The following TIAM1 variants were observed in gnomAD, a reference collection of about 807,000 sequenced individuals.
The protein encoded by TIAM1 is rho guanine nucleotide exchange factor TIAM1.
In TIAM1, 65 loss-of-function variants were observed where a neutral mutation model predicts 163.5. That is an observed-to-expected ratio of 0.40 (90% confidence interval 0.33 to 0.49). The LOEUF (loss-of-function observed/expected upper bound fraction) is 0.49. TIAM1 is among the 20% of genes least tolerant of loss of function. The pLI is 0.77. For synonymous variants in TIAM1, 833 were observed against 810.1 expected (o/e 1.03, Z -0.48); for missense variants, 1,789 against 2,044.7 (o/e 0.87, Z 2.41).
At chr21:31,558,607 C>G (rs975234346) in intron 1 of TIAM1, among the ~76,000 whole-genome samples, 9 of 152,112 alleles carry the variant, frequency 5.9e-5, no homozygotes, top group Non-Finnish European at 1.5e-5. Flanking sequence ...CCGAGAGGAC[C>G]GAATGCCGAC....
intron 1 of TIAM1, among the ~76,000 whole-genome samples, chr21:31,472,478 G>T (rs539227144): frequency 6.6e-6 from 1 of 152,294 alleles, no homozygotes; most frequent in African/African-American, 2.4e-5. Context: ...AGTGAGCCGA[G>T]ATCGTGCCAC....
chr21:31,437,714 C>CCT (rs1403702609), intron 2 of TIAM1, among the ~76,000 whole-genome samples: 1 of 151,560 alleles, frequency 6.6e-6, no homozygotes, highest in Non-Finnish European at 1.5e-5. Context: ...GCACCTCCAC[C>CCT]CTCTCTCTCT....
intron 1 of TIAM1, among the ~76,000 whole-genome samples, chr21:31,470,931 C>G (rs1172807041): frequency 6.6e-6 from 1 of 152,152 alleles, no homozygotes; most frequent in Non-Finnish European, 1.5e-5. Context: ...CCGCCACCCA[C>G]CCCCGAGGGG....
At position 31,251,923 on chromosome 21, in the gene TIAM1, A is replaced by G; in HGVS notation, c.1230T>C (p.Asp410=). 3 of 1,613,724 alleles carry G rather than the reference A, an allele frequency of 1.9e-6. No homozygotes were observed. The highest frequency in any genetic ancestry group is 1.7e-6 in the Non-Finnish European group (2 of 1,179,870). The change falls in exon 5 of 28, where the codon GAT becomes GAC. Residue 410 remains aspartate, a synonymous_variant. Transcript: ENST00000541036. ...SLEEAGSAHS[D]EQSSGTLSSP... ...AGCTCAGGGTGCCGCTGCTCTGCTCATCGCTGTGCGCCGAGCCGGCCTCCT... is the reference window on the plus strand; with the variant it reads ...AGCTCAGGGTGCCGCTGCTCTGCTCGTCGCTGTGCGCCGAGCCGGCCTCCT...
At chr21:31,223,636 A>C (rs1037418450) in intron 7 of TIAM1, 45 bp from the exon 8 acceptor site, 2 of 1,550,714 alleles carry the variant, frequency 1.3e-6, no homozygotes, top group Non-Finnish European at 1.7e-6. Flanking sequence ...AGAAAATGGG[A>C]AACAAATGCT....
chr21:31,550,171 A>AT (rs2048635244), intron 1 of TIAM1, among the ~76,000 whole-genome samples: 1 of 152,154 alleles, frequency 6.6e-6, no homozygotes, highest in African/African-American at 2.4e-5. Flanking sequence ...TCAAACAAAT[A>AT]CTTGTGCCAT....
intron 11 of TIAM1, among the ~76,000 whole-genome samples, chr21:31,205,005 G>A (rs1038567794): frequency 2.6e-5 from 4 of 152,206 alleles, no homozygotes; most frequent in African/African-American, 9.6e-5. Flanking sequence ...GATGCTCAAT[G>A]TCTGACAGAT....
chr21:31,242,268 C>A (rs1357592170), intron 6 of TIAM1, among the ~76,000 whole-genome samples: 1 of 152,004 alleles, frequency 6.6e-6, no homozygotes, highest in Admixed American at 6.6e-5. Context: ...GCCTGTAATC[C>A]CAGCACTTTA....
At chr21:31,253,890 G>C (rs1351215437) in intron 4 of TIAM1, among the ~76,000 whole-genome samples, 4 of 152,196 alleles carry the variant, frequency 2.6e-5, no homozygotes, top group African/African-American at 9.7e-5. Flanking sequence ...CTCCTTGGCA[G>C]GGACATTGAC....
intron 1 of TIAM1, among the ~76,000 whole-genome samples, chr21:31,551,045 T>C (rs1440778474): frequency 6.6e-6 from 1 of 151,346 alleles, no homozygotes; most frequent in African/African-American, 2.4e-5. Flanking sequence ...ACCTAGTCTC[T>C]ACTAAAAATA....
chr21:31,284,259 G>A (rs16988081), intron 2 of TIAM1, among the ~76,000 whole-genome samples: 9 of 152,002 alleles, frequency 5.9e-5, no homozygotes, highest in African/African-American at 1.7e-4. Flanking sequence ...CAAAATAATC[G>A]CCTCAAGAAC....
At chr21:31,491,556 T>C (rs1408934091) in intron 1 of TIAM1, among the ~76,000 whole-genome samples, 1 of 152,198 alleles carries the variant, frequency 6.6e-6, no homozygotes, top group Non-Finnish European at 1.5e-5. Context: ...AACCCTCCTT[T>C]CTTCACACTC....
intron 1 of TIAM1, among the ~76,000 whole-genome samples, chr21:31,501,841 G>C (rs2046861357): frequency 1.3e-5 from 2 of 152,114 alleles, no homozygotes; most frequent in Admixed American, 1.3e-4. Flanking sequence ...GACCTCAGGT[G>C]ATCTGTCCAC....
At chr21:31,152,824 A>C in intron 18 of TIAM1, 63 bp from the exon 19 acceptor site, 1 of 1,566,708 alleles carries the variant, frequency 6.4e-7, no homozygotes, top group Non-Finnish European at 8.6e-7. Context: ...CGTTATTTAT[A>C]TCTGATTACA....
chr21:31,414,232 TAA>T (rs1303996060), intron 2 of TIAM1, among the ~76,000 whole-genome samples: 1 of 152,198 alleles, frequency 6.6e-6, no homozygotes, highest in Non-Finnish European at 1.5e-5. Context: ...GGTCCCCATG[TAA>T]AAGTTCCCGT....
chr21:31,232,077 C>T (rs747614114), intron 6 of TIAM1, among the ~76,000 whole-genome samples: 12 of 151,806 alleles, frequency 7.9e-5, no homozygotes, highest in Non-Finnish European at 1.6e-4. Flanking sequence ...ATGTACTTAA[C>T]GTCACTCAAC....
intron 13 of TIAM1, among the ~76,000 whole-genome samples, chr21:31,193,782 C>A (rs897603875): frequency 1.3e-5 from 2 of 152,148 alleles, no homozygotes; most frequent in African/African-American, 4.8e-5. Context: ...AAGCTTACAC[C>A]GGTGAGTGCC....
chr21:31,132,220 C>T (rs771140196), intron 23 of TIAM1, among the ~76,000 whole-genome samples: 5 of 152,288 alleles, frequency 3.3e-5, no homozygotes, highest in South Asian at 2.1e-4. Context: ...TTCTATCCTA[C>T]GGAGGGCAGG....
intron 2 of TIAM1, among the ~76,000 whole-genome samples, chr21:31,433,491 C>T (rs957088508): frequency 1.3e-5 from 2 of 152,150 alleles, no homozygotes; most frequent in Non-Finnish European, 2.9e-5. Flanking sequence ...TGCAATAATG[C>T]TTTATGGTCC....
Sources: gnomAD v4.1 joint callset for allele counts (sites outside exome capture counted in the v4.1 genomes callset) on GRCh38, gnomAD v4.1.1 for gene constraint, MANE v1.5 for transcripts, NCBI Gene and HGNC (gene_info 2026-07-23, HGNC 2026-07-21) for gene names.